LRMDA: variants seen among roughly 807,000 people sequenced by gnomAD.
LRMDA encodes the protein leucine rich melanocyte differentiation associated.
In LRMDA, 18 loss-of-function variants were observed where a neutral mutation model predicts 29.8. That is an observed-to-expected ratio of 0.60 (90% CI 0.42 to 0.90). The LOEUF is 0.90. Among genes scored for constraint, LRMDA ranks in the 40% least tolerant of loss-of-function variants. The probability of loss-of-function intolerance (pLI) is 0.00; values close to 1 mark genes in which losing one functional copy is unlikely to be tolerated. For synonymous variants in LRMDA, 125 were observed against 109.4 expected, an observed-to-expected ratio of 1.14 and a Z score of -0.89; for missense variants, 273 against 273.9, an observed-to-expected ratio of 1.00 and a Z score of 0.02.
chr10:76,165,900 G>A (rs1439497396), intron 5 of LRMDA, among the ~76,000 whole-genome samples: 2 of 152,194 alleles, frequency 1.3e-5, no homozygotes, highest in Non-Finnish European at 2.9e-5. Flanking sequence ...CACTCATTCA[G>A]CACATATTCA....
chr10:75,690,217 T>A (rs1276345971), intron 2 of LRMDA, among the ~76,000 whole-genome samples: 1 of 152,234 alleles, frequency 6.6e-6, no homozygotes, highest in Non-Finnish European at 1.5e-5. Context: ...TCTACTTATA[T>A]CCTCCTTATA....
At position 76,381,549 on chromosome 10, in the gene LRMDA, G is replaced by T. The variant is rs561445390; in HGVS notation, c.601+57064G>T. On this transcript the variant is annotated intron_variant, in intron 6 of 6. Transcript: ENST00000611255. Reference sequence around the variant, plus strand: ...TTCTGGTATTCCAAGCCCTTGTGGAGTGTCCCTTTCTTATCACTAACTACC... The same window carrying T: ...TTCTGGTATTCCAAGCCCTTGTGGATTGTCCCTTTCTTATCACTAACTACC... Among the ~76,000 whole-genome samples, 3 of 152,250 alleles carry T rather than the reference G, an allele frequency of 2.0e-5. No individual in the cohort carries two copies. In the South Asian group the frequency reaches 6.2e-4, roughly 32 times the overall value.
chr10:76,333,177 G>T (rs1840924981), intron 6 of LRMDA, among the ~76,000 whole-genome samples: 1 of 152,172 alleles, frequency 6.6e-6, no homozygotes. Context: ...GAGAGAAAGG[G>T]ACCCTGTTTT....
At chr10:75,860,610 C>T (rs1277341217) in intron 2 of LRMDA, among the ~76,000 whole-genome samples, 2 of 152,144 alleles carry the variant, frequency 1.3e-5, no homozygotes, top group Non-Finnish European at 2.9e-5. Flanking sequence ...GCATGAGCCA[C>T]CACACCTGGC....
chr10:76,409,909 C>A (rs1446047824), intron 6 of LRMDA, among the ~76,000 whole-genome samples: 2 of 152,130 alleles, frequency 1.3e-5, no homozygotes, highest in Non-Finnish European at 2.9e-5. Flanking sequence ...ATGGTAACAG[C>A]TTTATAGTGA....
chr10:76,352,501 T>C (rs1245275113), intron 6 of LRMDA, among the ~76,000 whole-genome samples: 2 of 152,022 alleles, frequency 1.3e-5, no homozygotes. Context: ...ACACTGGACA[T>C]AGCGATGACT....
At chr10:75,509,280 A>ATG (rs551364202) in intron 2 of LRMDA, among the ~76,000 whole-genome samples, 74 of 152,176 alleles carry the variant, frequency 4.9e-4, no homozygotes, top group East Asian at 1.7e-3. Flanking sequence ...ATATGTGTAT[A>ATG]TGTGTGTGTG....
intron 6 of LRMDA, among the ~76,000 whole-genome samples, chr10:76,538,118 T>G (rs1214305374): frequency 1.3e-5 from 2 of 152,186 alleles, no homozygotes; most frequent in Non-Finnish European, 2.9e-5. Flanking sequence ...AGGTTCATTT[T>G]TTTCTGTTTG....
intron 5 of LRMDA, among the ~76,000 whole-genome samples, chr10:76,084,581 T>TG (rs1849104829): frequency 1.3e-5 from 2 of 152,062 alleles, no homozygotes. Flanking sequence ...TTGTGACCTT[T>TG]GGCAAGTCCT....
chr10:75,556,597 A>G (rs1001201783), intron 2 of LRMDA, among the ~76,000 whole-genome samples: 1 of 152,156 alleles, frequency 6.6e-6, no homozygotes, highest in Admixed American at 6.5e-5. Flanking sequence ...CAACAAAAAG[A>G]CTATTCTTTC....
intron 2 of LRMDA, among the ~76,000 whole-genome samples, chr10:75,697,212 T>A (rs974551144): frequency 6.6e-6 from 1 of 151,894 alleles, no homozygotes; most frequent in Non-Finnish European, 1.5e-5. Flanking sequence ...CCTTTAAGAG[T>A]GTGAGGGATA....
chr10:76,047,722 C>T (rs576598376), intron 4 of LRMDA, among the ~76,000 whole-genome samples: 6 of 152,236 alleles, frequency 3.9e-5, no homozygotes, highest in Admixed American at 2.0e-4. Context: ...ACTTGCTGAC[C>T]CCTGCTCTGT....
chr10:75,977,475 G>T (rs897234006), intron 2 of LRMDA, among the ~76,000 whole-genome samples: 1 of 152,146 alleles, frequency 6.6e-6, no homozygotes, highest in Non-Finnish European at 1.5e-5. Flanking sequence ...GAATTCCTGA[G>T]GGGCAGGAGC....
At position 75,559,336 on chromosome 10, in the gene LRMDA, A is replaced by T. The variant is rs1230287686; in HGVS notation, c.131+120842A>T. Among the ~76,000 whole-genome samples, 897 of 150,872 alleles carry T rather than the reference A, an allele frequency of 5.9e-3. 10 individuals are homozygous for T. Among genetic ancestry groups the T allele is most frequent in the African/African-American group, 0.02 (834 of 41,042 alleles). ...TTGGCTGCATAAATGTCTTCTTTTG[A>T]GAAGTGTCTGTTCATGTCCTTTGCC... On this transcript the variant is annotated intron_variant, in intron 2 of 6. Transcript: ENST00000611255.
At position 76,240,965 on chromosome 10, in the gene LRMDA, C is replaced by T. The variant is rs1337075278; in HGVS notation, c.517-83436C>T. On this transcript the variant is annotated intron_variant, in intron 5 of 6. Transcript: ENST00000611255. Reference sequence around the variant, plus strand: ...AATGAAATAATGGCATTTGCAGCAACCTGGATGGAACTGGAGACCATTATT... The same window carrying T: ...AATGAAATAATGGCATTTGCAGCAATCTGGATGGAACTGGAGACCATTATT... Among the ~76,000 whole-genome samples the T allele has an allele frequency of 2.6e-5, 4 of 151,596 alleles. No individual in the cohort carries two copies. The East Asian group carries it at 5.8e-4, about 22-fold the overall frequency.
chr10:75,766,989 C>A (rs1234925631), intron 2 of LRMDA, among the ~76,000 whole-genome samples: 1 of 152,130 alleles, frequency 6.6e-6, no homozygotes, highest in Non-Finnish European at 1.5e-5. Context: ...TTTTTTATGG[C>A]TGTATAATAT....
chr10:75,532,056 GA>G (rs60697116), intron 2 of LRMDA, among the ~76,000 whole-genome samples: 50,668 of 96,366 alleles, frequency 0.53, 10,310 homozygotes, highest in Middle Eastern at 0.6. Context: ...AAGAAAGAAA[GA>G]AAAAAAAAAA....
intron 2 of LRMDA, among the ~76,000 whole-genome samples, chr10:75,976,283 A>C (rs968149842): frequency 1.3e-5 from 2 of 152,236 alleles, no homozygotes; most frequent in Non-Finnish European, 2.9e-5. Flanking sequence ...TTAACAAGCT[A>C]TTCCTTTTGT....
chr10:75,581,352 C>A (rs547330764), intron 2 of LRMDA, among the ~76,000 whole-genome samples: 1 of 152,038 alleles, frequency 6.6e-6, no homozygotes, highest in Admixed American at 6.5e-5. Flanking sequence ...AATGCAAATC[C>A]AAACCACAAT....
Sources: gnomAD v4.1 joint callset for allele counts (sites outside exome capture counted in the v4.1 genomes callset) on GRCh38, gnomAD v4.1.1 for gene constraint, MANE v1.5 for transcripts, NCBI Gene and HGNC (gene_info 2026-07-23, HGNC 2026-07-21) for gene names.